PDK3: variants seen among roughly 807,000 people sequenced by gnomAD.
The protein encoded by PDK3 is pyruvate dehydrogenase kinase, isozyme 3.
Under a neutral mutation model 32.0 loss-of-function variants are expected in PDK3, and 12 were observed. That is an observed-to-expected ratio of 0.37 (90% CI 0.24 to 0.61). The LOEUF is 0.61. Ranked by LOEUF, PDK3 falls within the 20% of genes least tolerant of loss-of-function variation. The pLI is 0.65. For missense variants in PDK3, 188 were observed against 316.9 expected, an observed-to-expected ratio of 0.59 and a Z score of 3.09; for synonymous variants, 122 against 116.3, an observed-to-expected ratio of 1.05 and a Z score of -0.31.
exon 12 of PDK3, among the ~76,000 whole-genome samples, chrX:24,541,450 T>A (rs1922893725): frequency 1.8e-5 from 2 of 110,995 alleles, no homozygotes; most frequent in South Asian, 7.6e-4. Context: ...TGTAGAAAAA[T>A]CTCATCACAT....
intron 1 of PDK3, among the ~76,000 whole-genome samples, chrX:24,476,683 CATTATCACCTA>C (rs1921122392): frequency 1.8e-5 from 2 of 112,172 alleles, no homozygotes; most frequent in Non-Finnish European, 3.8e-5. Context: ...ATTGACCCAT[CATTATCACCTA>C]AAGTCCATAG....
chrX:24,497,291 A>T (rs1412158782), intron 2 of PDK3, among the ~76,000 whole-genome samples: 2 of 110,152 alleles, frequency 1.8e-5, no homozygotes, highest in African/African-American at 3.3e-5. Context: ...TATTTATTTT[A>T]TTTATTTTTT....
chrX:24,529,440 T>C (rs1381340314), intron 9 of PDK3, among the ~76,000 whole-genome samples: 1 of 111,501 alleles, frequency 9.0e-6, no homozygotes, highest in Admixed American at 9.6e-5. Flanking sequence ...TTCTTTCCAG[T>C]GTACTACGTG....
In PDK3 at chrX:24,534,067, CA is replaced by C. The variant is rs755984281; in HGVS notation, c.1217del (p.Gln406ArgfsTer6). On this transcript the variant is annotated frameshift_variant, in exon 11 of 11. Coordinates refer to ENST00000379162, the MANE Select transcript of PDK3 (RefSeq NM_005391.5). LOFTEE classifies it high-confidence loss of function. ...PRDASKYKAK[Q>X] Reference sequence around the variant, plus strand: ...GGATGCTTCAAAATACAAAGCAAAACAGTAATATACCACCTTGATTTCCATT... The same window carrying C: ...GGATGCTTCAAAATACAAAGCAAAACGTAATATACCACCTTGATTTCCATT... 3.4e-6 allele frequency: 4 copies of C among 1,192,543 alleles called. No homozygotes were observed. The Admixed American group carries it at 6.9e-5, about 21-fold the overall frequency.
At chrX:24,547,433 T>C (rs1239175024) in exon 12 of PDK3, 1 of 111,996 alleles carries the variant, frequency 8.9e-6, no homozygotes, top group African/African-American at 3.2e-5. Context: ...TAATATATTA[T>C]GTAGAAATTT....
intron 1 of PDK3, among the ~76,000 whole-genome samples, chrX:24,473,701 T>A (rs1379981624): frequency 3.6e-5 from 4 of 111,290 alleles, no homozygotes; most frequent in Non-Finnish European, 7.5e-5. Flanking sequence ...CCTCCCAAAG[T>A]GCTGGGATTA....
At chrX:24,537,578 T>A, downstream of PDK3, among the ~76,000 whole-genome samples, 1 of 111,297 alleles carries the variant, frequency 9.0e-6, no homozygotes, top group African/African-American at 3.3e-5. Context: ...TTCATATTGA[T>A]ATTTTATTCT....
rs369307335 is a variant in PDK3 at position 24,540,889 on chromosome X, C to CTTTTTTTTTT, written c.*1754_*1763dup. On this transcript the variant is annotated 3_prime_UTR_variant, in exon 12 of 12. Transcript: ENST00000568479. ...CTTTACATGCAAAGACCCTAGCTTC[C>CTTTTTTTTTT]TTTTTTTTTTTTTTTTTTTTTTTTT... Among the ~76,000 whole-genome samples the CTTTTTTTTTT allele has an allele frequency of 3.0e-4, 11 of 36,680 alleles. 3 individuals are homozygous for CTTTTTTTTTT. The highest frequency in any genetic ancestry group is 4.1e-4 in the Non-Finnish European group (10 of 24,652). 31.9% of individuals were successfully genotyped at this position (36,680 alleles called of 115,157 possible).
At chrX:24,534,937 G>A (rs1922739333), downstream of PDK3, among the ~76,000 whole-genome samples, 1 of 112,212 alleles carries the variant, frequency 8.9e-6, no homozygotes, top group South Asian at 3.7e-4. Context: ...CAGCCTGGGG[G>A]ACAGAATAAG....
intron 10 of PDK3, 101 bp downstream of exon 10, chrX:24,531,871 C>G (rs1922658447): frequency 1.2e-5 from 5 of 427,982 alleles, no homozygotes; most frequent in Non-Finnish European, 1.6e-5. Context: ...TTAGATTCAT[C>G]TCAGATTTAC....
chrX:24,465,896 C>A (rs1241956930), intron 1 of PDK3, among the ~76,000 whole-genome samples: 1 of 111,197 alleles, frequency 9.0e-6, no homozygotes, highest in Non-Finnish European at 1.9e-5. Context: ...ATGTGGGTGG[C>A]TTTTTAATGT....
intron 2 of PDK3, among the ~76,000 whole-genome samples, chrX:24,498,409 G>T (rs950442148): frequency 9.0e-6 from 1 of 111,527 alleles, no homozygotes; most frequent in African/African-American, 3.3e-5. Flanking sequence ...AGCTGCAGCA[G>T]TTCCAGGCTT....
intron 7 of PDK3, among the ~76,000 whole-genome samples, chrX:24,526,961 A>T (rs763379234): frequency 4.2e-4 from 47 of 112,698 alleles, no homozygotes; most frequent in Middle Eastern, 9.3e-3. Context: ...AAAATCAGTT[A>T]TGCTGATTTG....
chrX:24,485,252 A>G, intron 1 of PDK3, among the ~76,000 whole-genome samples: 1 of 111,993 alleles, frequency 8.9e-6, no homozygotes. Context: ...GGAGGCTGAA[A>G]TAGGAGAATC....
chrX:24,506,801 C>CTTTTTTTTTTTT (rs10682263), intron 5 of PDK3, among the ~76,000 whole-genome samples: 4 of 49,492 alleles, frequency 8.1e-5, no homozygotes, highest in Non-Finnish European at 1.0e-4. Flanking sequence ...TTTTTTCTTT[C>CTTTTTTTTTTTT]TTTTTTTTTT....
chrX:24,533,999 C>T lies in PDK3; in HGVS notation c.1148C>T (p.Thr383Met), dbSNP rs1442646183. The T allele has an allele frequency of 4.1e-6, 5 of 1,210,054 alleles. No homozygotes were observed. The highest frequency in any genetic ancestry group is 5.6e-6 in the Non-Finnish European group (5 of 894,526). ...TCCGCATGGCGCCATTACAAGACCA[C>T]GCCTGAAGCCGATGATTGGAGCAAT... is the stretch of plus-strand genomic sequence containing the variant. ...NKSAWRHYKT[T>M]PEADDWSNPS... Residue 383 changes from threonine (T) to methionine (M), a missense_variant, in exon 11 of 11, where the codon ACG becomes ATG. Physicochemically the swap from Thr to Met is moderately conservative, Grantham distance 81. Transcript: ENST00000379162.
At position 24,531,832 on chromosome X, in the gene PDK3, G is replaced by A. The variant is rs184894047; in HGVS notation, c.1077+62G>A. On this transcript the variant is annotated intron_variant, in intron 10 of 10. Transcript: ENST00000379162. Reference sequence around the variant, plus strand: ...CTTTTTAAAGCTGTAAGTTCTAATCGCTGATTGAGAACAGCACTGTATCAT... The same window carrying A: ...CTTTTTAAAGCTGTAAGTTCTAATCACTGATTGAGAACAGCACTGTATCAT... 4.8e-5 allele frequency: 28 copies of A among 584,067 alleles called. No homozygotes were observed. In the East Asian group the frequency reaches 5.3e-4, roughly 11 times the overall value. 48.1% of individuals were successfully genotyped at this position (584,067 alleles called of 1,213,427 possible).
intron 1 of PDK3, among the ~76,000 whole-genome samples, chrX:24,493,547 T>G (rs1048639866): frequency 2.7e-5 from 3 of 111,305 alleles, no homozygotes; most frequent in Non-Finnish European, 3.8e-5. Context: ...CTGGCCATGA[T>G]GTTGCCCATT....
intron 1 of PDK3, among the ~76,000 whole-genome samples, chrX:24,466,491 C>G (rs1940065964): frequency 8.9e-6 from 1 of 111,919 alleles, no homozygotes; most frequent in Admixed American, 9.5e-5. Flanking sequence ...CAGGGGAAAT[C>G]GTAGGGTGTC....
Sources: gnomAD v4.1 joint callset for allele counts (sites outside exome capture counted in the v4.1 genomes callset) on GRCh38, gnomAD v4.1.1 for gene constraint, MANE v1.5 for transcripts, NCBI Gene and HGNC (gene_info 2026-07-23, HGNC 2026-07-21) for gene names.